SPON1: variants seen among roughly 807,000 people sequenced by gnomAD.
The protein encoded by SPON1 is spondin 1.
A neutral mutation model predicts 111.7 loss-of-function variants in SPON1; 52 were observed. The ratio of observed to expected loss-of-function variants is 0.47; its 90% CI spans 0.37 to 0.59. The LOEUF (loss-of-function observed/expected upper bound fraction) is 0.59, where lower values mean the gene tolerates loss of function less well. SPON1 is among the 20% of genes least tolerant of loss of function. SPON1 has a pLI of 0.00. For missense variants in SPON1, 957 were observed against 1,068.5 expected (o/e 0.90, Z 1.46); for synonymous variants, 410 against 395.8 (o/e 1.04, Z -0.43).
intron 3 of SPON1, among the ~76,000 whole-genome samples, chr11:14,052,732 C>G (rs1471900973): frequency 2.6e-5 from 4 of 152,162 alleles, no homozygotes; most frequent in African/African-American, 7.2e-5. Flanking sequence ...GAGCATGGCT[C>G]CAGGGGATCA....
At chr11:14,153,240 C>T (rs1288590628) in intron 6 of SPON1, among the ~76,000 whole-genome samples, 2 of 152,088 alleles carry the variant, frequency 1.3e-5, no homozygotes, top group Non-Finnish European at 2.9e-5. Context: ...ACTGTAATTC[C>T]CTTTAGCCCA....
At chr11:14,019,190 C>T (rs1286684939) in intron 2 of SPON1, among the ~76,000 whole-genome samples, 4 of 152,168 alleles carry the variant, frequency 2.6e-5, no homozygotes, top group South Asian at 2.1e-4. Context: ...CAGACTGCCC[C>T]GGTTTGAATC....
intron 6 of SPON1, among the ~76,000 whole-genome samples, chr11:14,150,618 G>C (rs1591389850): frequency 6.6e-6 from 1 of 151,848 alleles, no homozygotes; most frequent in South Asian, 2.1e-4. Context: ...AAAGATAAAA[G>C]AATAGAAAAA....
chr11:13,975,688 T>TA (rs1445086500), intron 1 of SPON1, among the ~76,000 whole-genome samples: 1 of 152,164 alleles, frequency 6.6e-6, no homozygotes, highest in Admixed American at 6.5e-5. Context: ...TATAAGGACT[T>TA]ACCCAAATCT....
chr11:13,983,020 A>C, intron 2 of SPON1, 67 bp downstream of exon 2: 2 of 1,138,998 alleles, frequency 1.8e-6, no homozygotes, highest in African/African-American at 3.1e-5. Flanking sequence ...GGAGAGGTAC[A>C]AGTGTCTCAG....
At chr11:14,033,569 G>A (rs1308862268) in intron 2 of SPON1, among the ~76,000 whole-genome samples, 1 of 152,174 alleles carries the variant, frequency 6.6e-6, no homozygotes, top group Admixed American at 6.5e-5. Context: ...TAGGCTGAGG[G>A]AAGAGTAGGC....
intron 9 of SPON1, among the ~76,000 whole-genome samples, chr11:14,255,993 T>C (rs1849103226): frequency 6.6e-6 from 1 of 152,214 alleles, no homozygotes; most frequent in Non-Finnish European, 1.5e-5. Context: ...ATGCCTGTAA[T>C]CCCAGCCCTT....
At chr11:14,066,506 G>C (rs538675863) in intron 3 of SPON1, among the ~76,000 whole-genome samples, 1 of 152,266 alleles carries the variant, frequency 6.6e-6, no homozygotes, top group South Asian at 2.1e-4. Context: ...ACCTCCTGCA[G>C]CCTATTTATT....
intron 6 of SPON1, among the ~76,000 whole-genome samples, chr11:14,222,666 G>A (rs1188699801): frequency 7.9e-5 from 12 of 152,082 alleles, no homozygotes; most frequent in Admixed American, 2.0e-4. Context: ...TCATCAGGTC[G>A]GAAAAATACC....
intron 5 of SPON1, among the ~76,000 whole-genome samples, chr11:14,087,111 A>AT (rs144396390): frequency 0.36 from 54,258 of 151,460 alleles, 10,470 homozygotes; most frequent in South Asian, 0.6. Context: ...GGATTCACTG[A>AT]TTTTTTTTAA....
chr11:14,238,081 A>T lies in SPON1; in HGVS notation c.826-5251A>T, dbSNP rs908855514. Among the ~76,000 whole-genome samples, 10 of 152,366 alleles carry T rather than the reference A, an allele frequency of 6.6e-5. No homozygotes were observed. In the East Asian group the frequency reaches 1.7e-3, roughly 26 times the overall value. On this transcript the variant is annotated intron_variant, in intron 6 of 15. Transcript: ENST00000576479. ...TATATCCACCTTGCAAATGTGTTGTAAGGATTAAATCAGATGCTGTCTATT... is the reference window on the plus strand; with the variant it reads ...TATATCCACCTTGCAAATGTGTTGTTAGGATTAAATCAGATGCTGTCTATT...
chr11:14,085,322 G>T (rs1237366466), intron 5 of SPON1, among the ~76,000 whole-genome samples: 1 of 152,124 alleles, frequency 6.6e-6, no homozygotes, highest in Admixed American at 6.6e-5. Flanking sequence ...GTTAACTTTT[G>T]TATAAGATAT....
chr11:14,179,198 G>A (rs563330949), intron 6 of SPON1, among the ~76,000 whole-genome samples: 145 of 152,220 alleles, frequency 9.5e-4, no homozygotes, highest in Non-Finnish European at 1.2e-3. Flanking sequence ...TGAAGAAAGC[G>A]TCATTCAGCT....
chr11:14,003,157 A>C (rs1554912642), intron 2 of SPON1, among the ~76,000 whole-genome samples: 1 of 152,094 alleles, frequency 6.6e-6, no homozygotes, highest in South Asian at 2.1e-4. Context: ...TTCTCTTCTC[A>C]TGTCTTTCTG....
chr11:14,164,494 G>T (rs769122284), intron 6 of SPON1, among the ~76,000 whole-genome samples: 48 of 152,104 alleles, frequency 3.2e-4, no homozygotes, highest in Non-Finnish European at 5.3e-4. Flanking sequence ...TTGTCTTCTG[G>T]ACTGTCCACC....
At chr11:14,200,558 TA>T (rs1378451078) in intron 6 of SPON1, among the ~76,000 whole-genome samples, 1 of 152,076 alleles carries the variant, frequency 6.6e-6, no homozygotes, top group East Asian at 1.9e-4. Context: ...TAAAGTTATA[TA>T]AAGGATTCAT....
intron 3 of SPON1, among the ~76,000 whole-genome samples, chr11:14,049,027 T>C (rs1218648624): frequency 2.0e-5 from 3 of 152,188 alleles, no homozygotes; most frequent in Non-Finnish European, 2.9e-5. Context: ...CTACAAATAC[T>C]TATTTCATCC....
At chr11:14,058,411 C>T (rs531978817) in intron 3 of SPON1, among the ~76,000 whole-genome samples, 6 of 152,054 alleles carry the variant, frequency 3.9e-5, no homozygotes, top group South Asian at 2.1e-4. Context: ...AGGGCCTCCC[C>T]GAGAGAAGCA....
At chr11:14,156,882 C>T (rs1385928127) in intron 6 of SPON1, among the ~76,000 whole-genome samples, 1 of 152,144 alleles carries the variant, frequency 6.6e-6, no homozygotes, top group Non-Finnish European at 1.5e-5. Flanking sequence ...AATCTCTGAG[C>T]ACTCACTCAC....
Sources: allele counts gnomAD v4.1 joint callset (sites outside exome capture counted in the v4.1 genomes callset), GRCh38; gene constraint gnomAD v4.1.1; transcripts MANE v1.5; gene names NCBI Gene and HGNC (gene_info 2026-07-23, HGNC 2026-07-21).